Variants in KLC4 observed in about 807,000 individuals in gnomAD.
The protein encoded by KLC4 is kinesin-like protein 8.
KLC4 carries 49 observed loss-of-function variants against 77.2 expected under a neutral mutation model. The ratio of observed to expected loss-of-function variants is 0.63; its 90% CI spans 0.50 to 0.80. KLC4 has a LOEUF of 0.80. Among genes scored for constraint, KLC4 ranks in the 30% least tolerant of loss-of-function variants. The pLI is 0.00. For synonymous variants in KLC4, 274 were observed against 314.5 expected, an observed-to-expected ratio of 0.87 and a Z score of 1.36; for missense variants, 669 against 793.5, an observed-to-expected ratio of 0.84 and a Z score of 1.89.
rs758507030 is a variant in KLC4, at chr6:43,072,240, GCGGTC to G, written c.1475_1479del (p.Arg492ProfsTer6). On this transcript the variant is annotated frameshift_variant, in exon 12 of 16. Transcript: ENST00000347162. LOFTEE classifies it high-confidence loss of function. ...CTGAGACCCTGGAGGAATGTGCCCTGCGGTCCCGGAGACAGGTCAGAAGCCCAGAG... is the reference window on the plus strand; with the variant it reads ...CTGAGACCCTGGAGGAATGTGCCCTGCCGGAGACAGGTCAGAAGCCCAGAG... 6 of 1,613,836 alleles carry G rather than the reference GCGGTC, an allele frequency of 3.7e-6. No individual in the cohort carries two copies. Among genetic ancestry groups the G allele is most frequent in the Non-Finnish European group, 5.1e-6 (6 of 1,179,882 alleles).
chr6:43,069,687 A>G (rs1765626021), intron 6 of KLC4, among the ~76,000 whole-genome samples: 1 of 151,992 alleles, frequency 6.6e-6, no homozygotes, highest in Non-Finnish European at 1.5e-5. Context: ...AGTAGCTGGG[A>G]TTACAGACAT....
intron 2 of KLC4, chr6:43,062,667 C>CAAG (rs200045208): frequency 0.026 from 14,085 of 539,694 alleles, 244 homozygotes; most frequent in Non-Finnish European, 0.033. Flanking sequence ...AGGGCAGAAA[C>CAAG]GAGGCCAGTG....
rs757590967 is a variant in KLC4 at position 43,063,166 on chromosome 6, G to A, written c.489+19G>A. The A allele has an allele frequency of 8.2e-6, 13 of 1,586,492 alleles. No individual in the cohort carries two copies. The highest frequency in any genetic ancestry group is 1.1e-5 in the Non-Finnish European group (13 of 1,158,224). ...TACCTCGGTGAGTGTGCACAGGCGAGACTGGCTGAGGGGTGGGCAGCCGGG... is the reference window on the plus strand; with the variant it reads ...TACCTCGGTGAGTGTGCACAGGCGAAACTGGCTGAGGGGTGGGCAGCCGGG... On this transcript the variant is annotated intron_variant, in intron 3 of 15. Transcript: ENST00000347162.
At chr6:43,070,558 T>A in intron 7 of KLC4, 103 bp downstream of exon 7, 1 of 1,374,132 alleles carries the variant, frequency 7.3e-7, no homozygotes, top group South Asian at 1.3e-5. Context: ...CTCACCCCCA[T>A]CTCTGCTTTG....
intron 8 of KLC4, among the ~76,000 whole-genome samples, 171 bp from the exon 9 acceptor site, chr6:43,071,104 C>G (rs1168415015): frequency 4.6e-5 from 7 of 151,330 alleles, no homozygotes; most frequent in African/African-American, 1.7e-4. Flanking sequence ...ATACCCTTGA[C>G]CCTACACCTG....
rs1221280806 is a variant in KLC4 at position 43,066,426 on chromosome 6, T to C, written c.692T>C (p.Val231Ala). ...YAAQGRYEVAVPLCKQALEDL... is the reference protein window; with the variant it reads ...YAAQGRYEVAAPLCKQALEDL... ...GCCCAAGGTCGCTATGAGGTGGCCG[T>C]GCCACTCTGTAAGCAGGCACTAGAG... is the stretch of plus-strand genomic sequence containing the variant. The change falls in exon 5 of 16, where the codon GTG becomes GCG. Residue 231 changes from valine to alanine, a missense_variant. By Grantham distance (64) the Val-to-Ala change is moderately conservative (BLOSUM62 0). Transcript: ENST00000347162. 6.2e-7 allele frequency: 1 copy of C among 1,614,154 alleles called. No homozygotes were observed. Among genetic ancestry groups the C allele is most frequent in the Non-Finnish European group, 8.5e-7 (1 of 1,180,010 alleles).
At position 43,074,750 on chromosome 6, in the gene KLC4, T is replaced by G; in HGVS notation, c.*78T>G. ...CAGCATTCCCCATTGCTCCTGGCTC[T>G]TCCCCACCCCTAGGTGGGACAGTGA... is the stretch of plus-strand genomic sequence containing the variant. On this transcript the variant is annotated 3_prime_UTR_variant, in exon 16 of 16. Transcript: ENST00000347162. The G allele has an allele frequency of 8.3e-7, 1 of 1,210,024 alleles. No homozygotes were observed. The highest frequency in any genetic ancestry group is 1.2e-5 in the South Asian group (1 of 82,904). The allele number at this position is 1,210,024 out of a possible 1,614,324, so 75.0% of individuals were successfully genotyped here.
chr6:43,065,246 G>A (rs1219195559), intron 3 of KLC4: 1 of 164,290 alleles, frequency 6.1e-6, no homozygotes, highest in South Asian at 1.6e-4. Context: ...GGCTAATTTT[G>A]TATTTCTAGT....
intron 6 of KLC4, 132 bp downstream of exon 6, chr6:43,067,215 C>T: frequency 7.0e-7 from 1 of 1,438,522 alleles, no homozygotes; most frequent in Non-Finnish European, 9.2e-7. Context: ...CATAAGAAGT[C>T]CTTTCTTCCA....
intron 1 of KLC4, among the ~76,000 whole-genome samples, chr6:43,060,900 T>C (rs575432629): frequency 6.6e-6 from 1 of 152,218 alleles, no homozygotes; most frequent in Non-Finnish European, 1.5e-5. Context: ...TGCATTATTT[T>C]CTGCATATCT....
rs1765714511 is a variant in KLC4, at chr6:43,071,358, G to A, written c.1239G>A (p.Glu413=). The A allele has an allele frequency of 6.2e-7, 1 of 1,612,908 alleles. No homozygotes were observed. The highest frequency in any genetic ancestry group is 8.5e-7 in the Non-Finnish European group (1 of 1,179,016). Residue 413 remains glutamate (E), a synonymous_variant, in exon 9 of 16, where the codon GAG becomes GAA. Transcript: ENST00000347162. ...KEILTRAHVQ[E]FGSVDDDHKP... is the part of the protein sequence containing the mutation. ...TCCTGACCCGTGCCCATGTACAGGA[G>A]TTTGGGTCTGTGGATGGTGAGTGGT...
chr6:43,069,062 C>T (rs961135991), intron 6 of KLC4, among the ~76,000 whole-genome samples: 2 of 151,934 alleles, frequency 1.3e-5, no homozygotes, highest in South Asian at 4.2e-4. Flanking sequence ...GAGCCAAGAT[C>T]GCACCATTGC....
chr6:43,074,061 G>A, intron 15 of KLC4, 96 bp downstream of exon 15: 1 of 944,328 alleles, frequency 1.1e-6, no homozygotes, highest in Non-Finnish European at 1.6e-6. Flanking sequence ...AGGGAGAGGA[G>A]TCATCTGGGA....
chr6:43,073,678 G>A (rs1397551989), intron 14 of KLC4: 1 of 574,872 alleles, frequency 1.7e-6, no homozygotes, highest in East Asian at 3.0e-5. Context: ...AAAAGATATG[G>A]TAAAGCAGGC....
intron 6 of KLC4, chr6:43,067,334 C>A: frequency 1.4e-6 from 1 of 736,872 alleles, no homozygotes; most frequent in Non-Finnish European, 1.9e-6. Context: ...ATAGGTAAAT[C>A]CACATATGAT....
At chr6:43,065,555 G>A (rs1272197220) in intron 3 of KLC4, 65 bp from the exon 4 acceptor site, 2 of 1,036,006 alleles carry the variant, frequency 1.9e-6, no homozygotes, top group East Asian at 4.7e-5. Flanking sequence ...TGGCTTAGAG[G>A]GGTCACTGAG....
In KLC4 at chr6:43,071,371, G is replaced by T; in HGVS notation, c.1252G>T (p.Asp418Tyr). 1 of 1,610,084 alleles carries T rather than the reference G, an allele frequency of 6.2e-7. No individual in the cohort carries two copies. The highest frequency in any genetic ancestry group is 8.5e-7 in the Non-Finnish European group (1 of 1,176,376). The change falls in exon 9 of 16, where the codon GAT becomes TAT. Residue 418 changes from aspartate (D) to tyrosine (Y), a missense_variant. Physicochemically the swap from Asp to Tyr is radical, Grantham distance 160 (BLOSUM62 -3). Coordinates refer to ENST00000347162, the MANE Select transcript of KLC4 (RefSeq NM_201521.3). ...CCATGTACAGGAGTTTGGGTCTGTG[G>T]ATGGTGAGTGGTGAGGGCCTGGGGA... Reference protein sequence around the residue: ...RAHVQEFGSVDDDHKPIWMHA... With the variant: ...RAHVQEFGSVYDDHKPIWMHA...
At chr6:43,072,712 C>T (rs1401299512) in intron 12 of KLC4, 112 bp from the exon 13 acceptor site, 1 of 956,764 alleles carries the variant, frequency 1.0e-6, no homozygotes, top group Non-Finnish European at 1.6e-6. Flanking sequence ...TAAACTGAGA[C>T]ATCACAAGGA....
intron 1 of KLC4, chr6:43,060,023 C>T (rs905876658): frequency 1.4e-6 from 2 of 1,443,450 alleles, no homozygotes; most frequent in Non-Finnish European, 1.8e-6. Context: ...GGCAGGTCGA[C>T]AGCCCGAGGC....
Sources: gnomAD v4.1 joint callset for allele counts (sites outside exome capture counted in the v4.1 genomes callset) on GRCh38, gnomAD v4.1.1 for gene constraint, MANE v1.5 for transcripts, NCBI Gene and HGNC (gene_info 2026-07-23, HGNC 2026-07-21) for gene names.